Variants in USP31 observed in about 807,000 individuals in gnomAD.
The protein encoded by USP31 is ubiquitin specific peptidase 31, also known as ubiquitin carboxyl-terminal hydrolase 31.
USP31 carries 44 observed loss-of-function variants against 119.4 expected under a neutral mutation model. That is an observed-to-expected ratio of 0.37 (90% CI 0.29 to 0.47). The LOEUF is 0.47. Among genes scored for constraint, USP31 ranks in the 20% least tolerant of loss-of-function variants. The pLI, the probability that USP31 is intolerant of heterozygous loss-of-function variation, is 0.99. For synonymous variants in USP31, 749 were observed against 705.6 expected, an observed-to-expected ratio of 1.06 and a Z score of -0.97; for missense variants, 1,643 against 1,730.2, an observed-to-expected ratio of 0.95 and a Z score of 0.89.
chr16:23,071,289 G>C (rs746166657), intron 15 of USP31, among the ~76,000 whole-genome samples: 1 of 151,966 alleles, frequency 6.6e-6, no homozygotes, highest in Non-Finnish European at 1.5e-5. Flanking sequence ...TACAGTGATC[G>C]AAATGCTGGC....
chr16:23,089,500 G>A (rs1179262277), intron 7 of USP31, among the ~76,000 whole-genome samples: 1 of 152,142 alleles, frequency 6.6e-6, no homozygotes, highest in African/African-American at 2.4e-5. Context: ...CCAACACACT[G>A]TAAACACTAA....
chr16:23,072,593 G>C (rs1232243831), intron 14 of USP31: 3 of 497,368 alleles, frequency 6.0e-6, no homozygotes, highest in Non-Finnish European at 1.1e-5. Flanking sequence ...CTTACACAAA[G>C]AGAAGAGAGG....
intron 1 of USP31, among the ~76,000 whole-genome samples, chr16:23,143,917 C>T (rs573350020): frequency 2.0e-4 from 30 of 151,944 alleles, no homozygotes; most frequent in Non-Finnish European, 2.5e-4. Flanking sequence ...CAAAAGTGCC[C>T]GTGTTGAAAA....
intron 1 of USP31, among the ~76,000 whole-genome samples, chr16:23,138,152 A>G (rs903747050): frequency 4.6e-5 from 7 of 152,220 alleles, no homozygotes; most frequent in African/African-American, 1.4e-4. Flanking sequence ...TCAGAATGAC[A>G]GATTTAGTGC....
At chr16:23,094,045 C>T (rs948798642) in intron 6 of USP31, among the ~76,000 whole-genome samples, 6 of 152,116 alleles carry the variant, frequency 3.9e-5, no homozygotes, top group Admixed American at 6.5e-5. Flanking sequence ...AGTGGGGTGT[C>T]GCCTCACCCG....
rs1179547017 is a variant in USP31 at position 23,062,142 on chromosome 16, A to C, written c.*5904T>G. ...ATCTTCATTCCTTAAAATGTTGAAAACACCAGGTAAATTGTGGTGTTTTGT... is the reference window on the plus strand; with the variant it reads ...ATCTTCATTCCTTAAAATGTTGAAACCACCAGGTAAATTGTGGTGTTTTGT... On this transcript the variant is annotated 3_prime_UTR_variant, in exon 16 of 16. Transcript: ENST00000219689. The C allele has an allele frequency of 6.6e-6, 1 of 152,600 alleles. No homozygotes were observed. The highest frequency in any genetic ancestry group is 1.5e-5 in the Non-Finnish European group (1 of 68,036). 9.5% of individuals were successfully genotyped at this position (152,600 alleles called of 1,614,324 possible).
Position 23,061,759 on chromosome 16 carries a change from C to T in USP31, c.*6287G>A, listed in dbSNP as rs759625369. ...ACGGTGCATGAGTAATACCAAAGCA[C>T]TTTGTGTACAGTGATGTGACATGCA... On this transcript the variant is annotated 3_prime_UTR_variant, in exon 16 of 16. Transcript: ENST00000219689. 3 of 152,506 alleles carry T rather than the reference C, an allele frequency of 2.0e-5. No individual in the cohort carries two copies. The highest frequency in any genetic ancestry group is 4.4e-5 in the Non-Finnish European group (3 of 68,040). The allele number at this position is 152,506 out of a possible 1,614,324, so 9.4% of individuals were successfully genotyped here.
At chr16:23,070,239 T>C (rs899061929) in intron 15 of USP31, among the ~76,000 whole-genome samples, 3 of 152,062 alleles carry the variant, frequency 2.0e-5, no homozygotes, top group African/African-American at 7.3e-5. Flanking sequence ...TTGACCAAGA[T>C]TACACAACTC....
At chr16:23,117,760 T>TTTTTTTTTG (rs1555468289) in intron 1 of USP31, among the ~76,000 whole-genome samples, 1,673 of 144,942 alleles carry the variant, frequency 0.012, 9 homozygotes, top group Admixed American at 0.025. Flanking sequence ...TCTTTTTTTT[T>TTTTTTTTTG]TTGTTGTTGT....
rs1363687600 is a variant in USP31, at chr16:23,068,548, G to A, written c.3557C>T (p.Ala1186Val). ...PNSPRVSQAR[A>V]GEGRGAGKHV... ...CTTCCCGGCCCCCCTGCCCTCCCCT[G>A]CTCGGGCCTGGCTCACCCGAGGGGA... is the stretch of plus-strand genomic sequence containing the variant. The change falls in exon 16 of 16, where the codon GCA becomes GTA. Residue 1186 changes from alanine to valine, a missense_variant. By Grantham distance (64) the Ala-to-Val change is moderately conservative (BLOSUM62 0). Around this residue, in one of 5 missense-constraint regions of USP31, gnomAD observed 699 missense variants for 650.9 expected, o/e 1.07. Transcript: ENST00000219689. The A allele has an allele frequency of 1.2e-6, 2 of 1,614,022 alleles. No homozygotes were observed. The highest frequency in any genetic ancestry group is 1.7e-5 in the Admixed American group (1 of 60,022).
chr16:23,148,747 G>A lies in USP31; in HGVS notation c.524C>T (p.Pro175Leu). ...RPEPSPDPEQPAGRGAQGQGE... is the reference protein window; with the variant it reads ...RPEPSPDPEQLAGRGAQGQGE... ...CTGGCCCTGCGCGCCGCGGCCCGCA[G>A]GCTGCTCCGGGTCAGGCGAGGGCTC... The change falls in exon 1 of 16, where the codon CCT becomes CTT. Residue 175 changes from proline to leucine, a missense_variant. By Grantham distance (98) the Pro-to-Leu change is moderately conservative. Coordinates refer to ENST00000219689, the MANE Select transcript of USP31 (RefSeq NM_020718.4). 1 of 1,502,088 alleles carries A rather than the reference G, an allele frequency of 6.7e-7. No individual in the cohort carries two copies. The highest frequency in any genetic ancestry group is 8.9e-7 in the Non-Finnish European group (1 of 1,129,800). 93.0% of individuals were successfully genotyped at this position (1,502,088 alleles called of 1,614,324 possible).
chr16:23,064,130 T>C lies in USP31; in HGVS notation c.*3916A>G, dbSNP rs1178953900. The C allele has an allele frequency of 1.3e-5, 2 of 152,642 alleles. No individual in the cohort carries two copies. The highest frequency in any genetic ancestry group is 4.8e-5 in the African/African-American group (2 of 41,446). 9.5% of individuals were successfully genotyped at this position (152,642 alleles called of 1,614,324 possible). A position where few individuals can be genotyped will look rare whatever the true frequency, so the allele number is the denominator to read the frequency against. On this transcript the variant is annotated 3_prime_UTR_variant, in exon 16 of 16. Transcript: ENST00000219689. ...GTTCCACGCACCTCCAGAATACGTG[T>C]TTTATTGAAACTGTGCTTATGACTT...
chr16:23,131,392 A>G (rs571191523), intron 1 of USP31, among the ~76,000 whole-genome samples: 1 of 152,302 alleles, frequency 6.6e-6, no homozygotes, highest in South Asian at 2.1e-4. Context: ...TCCTGGGCTC[A>G]AGCAATCCTC....
At chr16:23,092,430 C>T (rs1037369449) in intron 6 of USP31, among the ~76,000 whole-genome samples, 1 of 152,262 alleles carries the variant, frequency 6.6e-6, no homozygotes, top group East Asian at 1.9e-4. Flanking sequence ...GTGGCCCCAG[C>T]TCCAGAGAAC....
chr16:23,139,845 C>T (rs1273101107), intron 1 of USP31, among the ~76,000 whole-genome samples: 2 of 152,194 alleles, frequency 1.3e-5, no homozygotes, highest in African/African-American at 4.8e-5. Flanking sequence ...TTTCTAAGTG[C>T]TCAATTTCTA....
chr16:23,069,601 C>T lies in USP31; in HGVS notation c.2504G>A (p.Arg835Gln), dbSNP rs995959438. Residue 835 changes from arginine to glutamine, a missense_variant, in exon 16 of 16, where the codon CGA becomes CAA. By Grantham distance (43) the Arg-to-Gln change is conservative (BLOSUM62 1). Around this residue, in one of 5 missense-constraint regions of USP31, gnomAD observed 279 missense variants for 372.2 expected, o/e 0.75. Coordinates refer to ENST00000219689, the MANE Select transcript of USP31 (RefSeq NM_020718.4). Reference protein sequence around the residue: ...RSEDDGGFSTRPFVRSVQRQS... With the variant: ...RSEDDGGFSTQPFVRSVQRQS... ...ACGCTGGACACTTCTCACAAATGGT[C>T]GAGTTGAAAAGCCTCCTGAACACAG... 2.5e-6 allele frequency: 4 copies of T among 1,607,054 alleles called. No individual in the cohort carries two copies. Among genetic ancestry groups the T allele is most frequent in the African/African-American group, 1.3e-5 (1 of 74,890 alleles).
At chr16:23,072,599 A>T (rs1900393086) in intron 14 of USP31, 1 of 496,766 alleles carries the variant, frequency 2.0e-6, no homozygotes, top group Non-Finnish European at 3.5e-6. Context: ...CAAAGAGAAG[A>T]GAGGATGCGG....
Position 23,066,911 on chromosome 16 carries a change from A to T in USP31, c.*1135T>A, listed in dbSNP as rs1900095910. The T allele has an allele frequency of 1.3e-5, 2 of 152,254 alleles. No homozygotes were observed. Among genetic ancestry groups the T allele is most frequent in the Non-Finnish European group, 2.9e-5 (2 of 68,044 alleles). 9.4% of individuals were successfully genotyped at this position (152,254 alleles called of 1,614,324 possible). A position where few individuals can be genotyped will look rare whatever the true frequency, so the allele number is the denominator to read the frequency against. The stretch of plus-strand genomic sequence containing the variant: ...TGAGTTACTGAAAGGCAGCCCTAAC[A>T]GAGACTGACAGACAGGATCTGAAGT... On this transcript the variant is annotated 3_prime_UTR_variant, in exon 16 of 16. Coordinates refer to ENST00000219689, the MANE Select transcript of USP31 (RefSeq NM_020718.4).
chr16:23,115,854 G>C (rs183995127), intron 1 of USP31: 2 of 884,148 alleles, frequency 2.3e-6, no homozygotes, highest in Non-Finnish European at 2.7e-6. Context: ...AAAAGAGTTG[G>C]AAACATGGGT....
Sources: allele counts gnomAD v4.1 joint callset (sites outside exome capture counted in the v4.1 genomes callset), GRCh38; gene constraint gnomAD v4.1.1; regional missense constraint gnomAD v4.1.1; transcripts MANE v1.5; gene names NCBI Gene and HGNC (gene_info 2026-07-23, HGNC 2026-07-21).